The following REDIC1 variants were observed in gnomAD, a reference collection of about 807,000 sequenced individuals.
REDIC1 encodes the protein HEI10 Interacting Protein 1.
At chr12:39,863,582 A>G in the REDIC1 span, among the ~76,000 whole-genome samples, 1 of 152,206 alleles carries the variant, frequency 6.6e-6, no homozygotes, top group Non-Finnish European at 1.5e-5. Context: ...GAAAAAGAAA[A>G]GTAGAATATG....
chr12:39,906,534 G>T, the REDIC1 span, among the ~76,000 whole-genome samples: 2 of 152,044 alleles, frequency 1.3e-5, no homozygotes, highest in African/African-American at 4.8e-5. Context: ...CAACTTGAAA[G>T]AAACAGTTTT....
the REDIC1 span, among the ~76,000 whole-genome samples, chr12:39,714,553 G>A: frequency 6.6e-6 from 1 of 151,584 alleles, no homozygotes; most frequent in South Asian, 2.1e-4. Context: ...TTTGAATATT[G>A]ATTTCTTTTC....
At chr12:39,822,712 TCA>T in the REDIC1 span, among the ~76,000 whole-genome samples, 3 of 152,200 alleles carry the variant, frequency 2.0e-5, no homozygotes, top group Non-Finnish European at 4.4e-5. Context: ...GAGAAATAAC[TCA>T]CAGTCTACTT....
the REDIC1 span, among the ~76,000 whole-genome samples, chr12:39,853,905 TA>T: frequency 6.6e-6 from 1 of 152,146 alleles, no homozygotes; most frequent in Non-Finnish European, 1.5e-5. Flanking sequence ...AAAATTTCAT[TA>T]AAAACTCTTG....
the REDIC1 span, among the ~76,000 whole-genome samples, chr12:39,671,780 AG>A: frequency 6.6e-6 from 1 of 151,988 alleles, no homozygotes; most frequent in Non-Finnish European, 1.5e-5. Flanking sequence ...AGCTCTGGGA[AG>A]GAATGTGCAG....
the REDIC1 span, among the ~76,000 whole-genome samples, chr12:39,856,707 C>A: frequency 6.6e-6 from 1 of 152,160 alleles, no homozygotes; most frequent in Non-Finnish European, 1.5e-5. Context: ...TGGTCCATAG[C>A]AATAGGTATT....
the REDIC1 span, among the ~76,000 whole-genome samples, chr12:39,735,670 G>A: frequency 2.6e-5 from 4 of 152,200 alleles, no homozygotes; most frequent in South Asian, 6.2e-4. Flanking sequence ...AAGTAATAAA[G>A]ATTATTTCAA....
the REDIC1 span, among the ~76,000 whole-genome samples, chr12:39,792,806 A>AG: frequency 2.0e-5 from 3 of 151,014 alleles, no homozygotes; most frequent in Non-Finnish European, 4.4e-5. Flanking sequence ...ATTTAATGAA[A>AG]AAAAAAAACC....
At chr12:39,659,712 A>G in the REDIC1 span, among the ~76,000 whole-genome samples, 1 of 151,998 alleles carries the variant, frequency 6.6e-6, no homozygotes, top group Non-Finnish European at 1.5e-5. Context: ...TTGTCTACGA[A>G]TTCCATTATT....
chr12:39,763,769 A>C, the REDIC1 span, among the ~76,000 whole-genome samples: 1 of 152,126 alleles, frequency 6.6e-6, no homozygotes. Flanking sequence ...AAGTCATGTG[A>C]ACAATGCAGA....
the REDIC1 span, among the ~76,000 whole-genome samples, chr12:39,648,544 T>C: frequency 6.6e-6 from 1 of 151,472 alleles, no homozygotes; most frequent in African/African-American, 2.4e-5. Context: ...ATATAAATAT[T>C]AAGATTCTAA....
the REDIC1 span, among the ~76,000 whole-genome samples, chr12:39,710,883 T>A: frequency 6.6e-6 from 1 of 151,706 alleles, no homozygotes; most frequent in East Asian, 1.9e-4. Flanking sequence ...GTGTTTTTTT[T>A]TCAGTATTCT....
chr12:39,752,235 G>A, the REDIC1 span, among the ~76,000 whole-genome samples: 125,039 of 152,098 alleles, frequency 0.82, 51,583 homozygotes, highest in Non-Finnish European at 0.84. Flanking sequence ...CAGGAGGTGA[G>A]CGATGGGCAA....
chr12:39,666,339 G>T, the REDIC1 span, among the ~76,000 whole-genome samples: 9 of 152,004 alleles, frequency 5.9e-5, no homozygotes, highest in Non-Finnish European at 2.9e-5. Context: ...GGCTTTTGTT[G>T]TTGGTTCTGT....
At chr12:39,795,904 T>C in the REDIC1 span, among the ~76,000 whole-genome samples, 4 of 152,254 alleles carry the variant, frequency 2.6e-5, no homozygotes, top group Admixed American at 1.3e-4. Context: ...ATGTCATCAA[T>C]TCATCCTTTT....
chr12:39,633,490 A>G, the REDIC1 span, among the ~76,000 whole-genome samples: 1 of 152,288 alleles, frequency 6.6e-6, no homozygotes, highest in South Asian at 2.1e-4. Context: ...TTTTTTTTTA[A>G]TAAGCAGAAG....
chr12:39,806,953 A>C, the REDIC1 span, among the ~76,000 whole-genome samples: 1 of 152,172 alleles, frequency 6.6e-6, no homozygotes, highest in Non-Finnish European at 1.5e-5. Flanking sequence ...TGCTGAGAAA[A>C]AAGCCAGTCC....
the REDIC1 span, among the ~76,000 whole-genome samples, chr12:39,844,336 T>A: frequency 6.6e-6 from 1 of 152,040 alleles, no homozygotes; most frequent in Admixed American, 6.6e-5. Context: ...GAGTCAAAGT[T>A]TAATGTAAGC....
chr12:39,742,773 T>A, the REDIC1 span, among the ~76,000 whole-genome samples: 2 of 152,182 alleles, frequency 1.3e-5, no homozygotes, highest in Non-Finnish European at 2.9e-5. Flanking sequence ...CCTCACAAAC[T>A]GAAAATCAGT....
Sources: gnomAD v4.1 joint callset for allele counts (sites outside exome capture counted in the v4.1 genomes callset) on GRCh38, gnomAD v4.1.1 for gene constraint, MANE v1.5 for transcripts, NCBI Gene and HGNC (gene_info 2026-07-23, HGNC 2026-07-21) for gene names.